The following AFG1L variants were observed in gnomAD, a reference collection of about 807,000 sequenced individuals.
AFG1L encodes AFG1 like ATPase, also known as AFG1-like ATPase.
Under a neutral mutation model 62.2 loss-of-function variants are expected in AFG1L, and 53 were observed. That is an observed-to-expected ratio of 0.85 (90% CI 0.68 to 1.07). AFG1L has a LOEUF of 1.07. Ranked by LOEUF, AFG1L falls within the 50% of genes least tolerant of loss-of-function variation. The probability of loss-of-function intolerance (pLI) is 0.00; values close to 1 mark genes in which losing one functional copy is unlikely to be tolerated. For synonymous variants in AFG1L, 228 were observed against 210.3 expected (o/e 1.08, Z -0.73); for missense variants, 555 against 590.5 (o/e 0.94, Z 0.62).
At chr6:108,401,706 G>A (rs1045980885) in intron 6 of AFG1L, among the ~76,000 whole-genome samples, 6 of 152,032 alleles carry the variant, frequency 3.9e-5, no homozygotes, top group Non-Finnish European at 8.8e-5. Flanking sequence ...TATTGATTTT[G>A]AATTTTGGAA....
chr6:108,344,454 TG>T (rs1778792595), intron 2 of AFG1L, among the ~76,000 whole-genome samples: 1 of 152,034 alleles, frequency 6.6e-6, no homozygotes, highest in Admixed American at 6.6e-5. Context: ...CTGGATGTAG[TG>T]GTGTCCACCT....
intron 2 of AFG1L, among the ~76,000 whole-genome samples, chr6:108,326,111 C>T (rs1257829516): frequency 6.6e-6 from 1 of 152,102 alleles, no homozygotes; most frequent in African/African-American, 2.4e-5. Flanking sequence ...CATTCTGTCA[C>T]CCAGGTGGGG....
chr6:108,397,353 C>A (rs1582513347), intron 6 of AFG1L, among the ~76,000 whole-genome samples: 1 of 152,342 alleles, frequency 6.6e-6, no homozygotes, highest in African/African-American at 2.4e-5. Context: ...GTCTCGAACT[C>A]CTGACCTCAG....
At chr6:108,505,338 C>T (rs759981546) in intron 10 of AFG1L, among the ~76,000 whole-genome samples, 4 of 152,116 alleles carry the variant, frequency 2.6e-5, no homozygotes, top group Non-Finnish European at 5.9e-5. Context: ...GTGTTCCACT[C>T]GCCTCGGCCT....
chr6:108,393,807 A>G (rs1366870777), intron 6 of AFG1L, among the ~76,000 whole-genome samples: 2 of 152,148 alleles, frequency 1.3e-5, no homozygotes, highest in South Asian at 2.1e-4. Context: ...AATTATATGT[A>G]TGGCTTTTTT....
intron 5 of AFG1L, among the ~76,000 whole-genome samples, chr6:108,361,002 C>T (rs985159085): frequency 4.6e-5 from 7 of 152,354 alleles, no homozygotes; most frequent in Middle Eastern, 3.4e-3. Context: ...AGCACCAGAG[C>T]GGCTGGCAAC....
At chr6:108,322,698 T>G (rs948518504) in intron 1 of AFG1L, among the ~76,000 whole-genome samples, 1 of 152,236 alleles carries the variant, frequency 6.6e-6, no homozygotes, top group Non-Finnish European at 1.5e-5. Context: ...TTCTTTTTGC[T>G]AAAGTAATTT....
At chr6:108,462,396 C>T (rs900218253) in intron 8 of AFG1L, among the ~76,000 whole-genome samples, 4 of 151,520 alleles carry the variant, frequency 2.6e-5, no homozygotes, top group African/African-American at 9.7e-5. Flanking sequence ...AGAGTGAGAC[C>T]TTGTCTCAAA....
Position 108,525,987 on chromosome 6 carries a change from C to T in AFG1L, c.*3562C>T, listed in dbSNP as rs1775301624. ...CTGTAAGTTACCTTTATTAGATTTA[C>T]TAATCTCAAAAGAAGTCACTTGCTG... On this transcript the variant is annotated 3_prime_UTR_variant, in exon 13 of 13. Transcript: ENST00000368977. 1.3e-5 allele frequency: 2 copies of T among 152,174 alleles called. No individual in the cohort carries two copies. The highest frequency in any genetic ancestry group is 2.4e-5 in the African/African-American group (1 of 41,438). 9.4% of individuals were successfully genotyped at this position (152,174 alleles called of 1,614,324 possible).
At chr6:108,357,091 A>G (rs1779322076) in intron 5 of AFG1L, among the ~76,000 whole-genome samples, 1 of 151,964 alleles carries the variant, frequency 6.6e-6, no homozygotes, top group Non-Finnish European at 1.5e-5. Context: ...ACACACACAC[A>G]TATTTTAAGA....
At chr6:108,406,687 C>G (rs921266107) in intron 7 of AFG1L, among the ~76,000 whole-genome samples, 2 of 152,210 alleles carry the variant, frequency 1.3e-5, no homozygotes, top group African/African-American at 2.4e-5. Context: ...ATCCGCCCAC[C>G]TCAGCCTCCC....
chr6:108,329,881 T>C lies in AFG1L; in HGVS notation c.363+5833T>C, dbSNP rs183538583. On this transcript the variant is annotated intron_variant, in intron 2 of 12. Transcript: ENST00000368977. ...ACATTTAATCCCCAGTGTGGCAGTA[T>C]TGAAAGGTGAATTCTTTCAGAGGTG... Among the ~76,000 whole-genome samples the C allele has an allele frequency of 3.6e-4, 55 of 152,294 alleles. 1 individual carries two copies. The East Asian group carries it at 0.01, about 29-fold the overall frequency.
At chr6:108,516,055 C>T (rs535525495) in intron 11 of AFG1L, among the ~76,000 whole-genome samples, 14 of 151,816 alleles carry the variant, frequency 9.2e-5, no homozygotes, top group Non-Finnish European at 1.6e-4. Flanking sequence ...GATTCACAGC[C>T]GAATTCTACC....
chr6:108,317,465 C>G (rs1049303982), intron 1 of AFG1L, among the ~76,000 whole-genome samples: 2 of 152,060 alleles, frequency 1.3e-5, no homozygotes, highest in Non-Finnish European at 2.9e-5. Context: ...AGTCATGAGT[C>G]CAGGTGGGGT....
rs1435945241 is a variant in AFG1L at position 108,415,266 on chromosome 6, A to G, written c.807+13212A>G. 3.9e-5 allele frequency among the ~76,000 whole-genome samples: 6 copies of G among 152,338 alleles called. No individual in the cohort carries two copies. The East Asian group carries it at 1.2e-3, about 29-fold the overall frequency. ...ACTGCAAACCACTGCTCAACTAAAT[A>G]AAAGAGGACACAAACAAATTGGAAG... On this transcript the variant is annotated intron_variant, in intron 7 of 12. Transcript: ENST00000368977.
intron 7 of AFG1L, among the ~76,000 whole-genome samples, chr6:108,426,232 G>A (rs990758952): frequency 1.5e-4 from 23 of 151,148 alleles, no homozygotes; most frequent in African/African-American, 5.3e-4. Context: ...TTTTTTTTTA[G>A]TTAGAAAAGT....
chr6:108,301,685 A>G (rs1777007504), intron 1 of AFG1L, among the ~76,000 whole-genome samples: 1 of 152,252 alleles, frequency 6.6e-6, no homozygotes, highest in East Asian at 1.9e-4. Context: ...CCACAACAGT[A>G]AGGTAAAATA....
At chr6:108,447,828 C>T (rs993052336) in intron 8 of AFG1L, among the ~76,000 whole-genome samples, 8 of 152,064 alleles carry the variant, frequency 5.3e-5, no homozygotes, top group Admixed American at 3.9e-4. Context: ...GTATTCAGCA[C>T]GTGCAGTTAA....
chr6:108,397,248 C>T (rs1373427721), intron 6 of AFG1L, among the ~76,000 whole-genome samples: 1 of 152,202 alleles, frequency 6.6e-6, no homozygotes, highest in African/African-American at 2.4e-5. Context: ...CTGCCTCAGT[C>T]TCCCAAGTAG....
Sources: gnomAD v4.1 joint callset for allele counts (sites outside exome capture counted in the v4.1 genomes callset) on GRCh38, gnomAD v4.1.1 for gene constraint, MANE v1.5 for transcripts, NCBI Gene and HGNC (gene_info 2026-07-23, HGNC 2026-07-21) for gene names.